The following GRID1 variants were observed in gnomAD, a reference collection of about 807,000 sequenced individuals.
GRID1 encodes glutamate ionotropic receptor delta type subunit 1.
A neutral mutation model predicts 98.0 loss-of-function variants in GRID1; 28 were observed. The observed-to-expected ratio is 0.29, with a 90% CI of 0.21 to 0.39. GRID1 has a LOEUF of 0.39. Ranked by LOEUF, GRID1 falls within the 10% of genes least tolerant of loss-of-function variation. The probability of loss-of-function intolerance (pLI) is 1.00; values close to 1 mark genes in which losing one functional copy is unlikely to be tolerated. For missense variants in GRID1, 1,111 were observed against 1,340.5 expected, an observed-to-expected ratio of 0.83 and a Z score of 2.67; for synonymous variants, 553 against 538.5, an observed-to-expected ratio of 1.03 and a Z score of -0.37.
intron 2 of GRID1, among the ~76,000 whole-genome samples, chr10:86,248,595 T>G: frequency 9.7e-6 from 1 of 102,930 alleles, no homozygotes; most frequent in South Asian, 3.1e-4. Context: ...TTTTTTTTTT[T>G]GAGACAAGGT....
At chr10:86,235,099 AGC>A (rs1459497509) in intron 2 of GRID1, among the ~76,000 whole-genome samples, 3 of 152,238 alleles carry the variant, frequency 2.0e-5, no homozygotes, top group African/African-American at 4.8e-5. Flanking sequence ...GAGCCTGGCC[AGC>A]TCTCTCCTTG....
At chr10:85,670,684 C>T (rs753399343) in intron 12 of GRID1, among the ~76,000 whole-genome samples, 1 of 152,124 alleles carries the variant, frequency 6.6e-6, no homozygotes, top group Non-Finnish European at 1.5e-5. Flanking sequence ...TCTGTTCCCA[C>T]CCTTCAGCCC....
chr10:86,355,281 T>A (rs1335804688), intron 2 of GRID1, among the ~76,000 whole-genome samples: 1 of 152,242 alleles, frequency 6.6e-6, no homozygotes, highest in Non-Finnish European at 1.5e-5. Flanking sequence ...CTTCAGCTCC[T>A]GGACACCCCA....
chr10:86,322,394 T>TTTG (rs879420646), intron 2 of GRID1, among the ~76,000 whole-genome samples: 12 of 152,052 alleles, frequency 7.9e-5, no homozygotes, highest in East Asian at 5.8e-4. Flanking sequence ...AGAATTATGT[T>TTTG]TTGTTGTTGT....
chr10:86,064,886 A>G (rs1054686812), intron 4 of GRID1, among the ~76,000 whole-genome samples: 2 of 152,246 alleles, frequency 1.3e-5, no homozygotes, highest in Non-Finnish European at 2.9e-5. Flanking sequence ...TGGCCACATG[A>G]AGCCTGCAAA....
chr10:86,270,169 C>T (rs1404948122), intron 2 of GRID1, among the ~76,000 whole-genome samples: 2 of 152,220 alleles, frequency 1.3e-5, no homozygotes, highest in African/African-American at 4.8e-5. Context: ...CAATGATAAA[C>T]TCTTTCCCTC....
chr10:85,698,056 C>A (rs1180964531), intron 12 of GRID1, among the ~76,000 whole-genome samples: 1 of 151,972 alleles, frequency 6.6e-6, no homozygotes, highest in Non-Finnish European at 1.5e-5. Context: ...ATAAAGTCAG[C>A]AGGTGACAAA....
chr10:86,095,686 C>T (rs1027657509), intron 4 of GRID1, among the ~76,000 whole-genome samples: 1 of 151,962 alleles, frequency 6.6e-6, no homozygotes, highest in African/African-American at 2.4e-5. Context: ...CAAGAATGGT[C>T]ATAATAAAAA....
At chr10:85,709,060 C>A in intron 12 of GRID1, 2 of 322,986 alleles carry the variant, frequency 6.2e-6, no homozygotes, top group South Asian at 7.2e-5. Flanking sequence ...CTATGATTCA[C>A]CAAAACAACT....
At chr10:85,852,017 C>G (rs1001969877) in intron 8 of GRID1, among the ~76,000 whole-genome samples, 1 of 152,156 alleles carries the variant, frequency 6.6e-6, no homozygotes, top group South Asian at 2.1e-4. Context: ...TGCCCTACCC[C>G]CATGATACGG....
At chr10:85,825,166 G>A (rs571475095) in intron 8 of GRID1, among the ~76,000 whole-genome samples, 15 of 152,176 alleles carry the variant, frequency 9.9e-5, no homozygotes, top group Admixed American at 5.9e-4. Flanking sequence ...CCAGCAGTGT[G>A]TGTTTCCTTT....
intron 2 of GRID1, among the ~76,000 whole-genome samples, chr10:86,249,481 G>A (rs1317090810): frequency 6.6e-6 from 1 of 152,140 alleles, no homozygotes. Flanking sequence ...CCCTAGCTTG[G>A]CCCTCAGACC....
At chr10:86,284,187 C>T (rs529309528) in intron 2 of GRID1, among the ~76,000 whole-genome samples, 158 of 152,196 alleles carry the variant, frequency 1.0e-3, no homozygotes, top group Middle Eastern at 6.8e-3. Context: ...TACACATACA[C>T]ACCTGCCCTC....
intron 2 of GRID1, among the ~76,000 whole-genome samples, chr10:86,235,014 A>G (rs1846515826): frequency 6.6e-6 from 1 of 152,352 alleles, no homozygotes; most frequent in East Asian, 1.9e-4. Context: ...ACGGACGTGC[A>G]TGCAGATAGA....
intron 3 of GRID1, among the ~76,000 whole-genome samples, chr10:86,198,516 C>T (rs936153398): frequency 3.3e-5 from 5 of 152,230 alleles, no homozygotes; most frequent in Middle Eastern, 3.4e-3. Context: ...GCAGTTACCA[C>T]GCGCCAGGTA....
intron 13 of GRID1, among the ~76,000 whole-genome samples, chr10:85,638,771 G>T (rs749630528): frequency 3.9e-5 from 6 of 152,052 alleles, no homozygotes; most frequent in Non-Finnish European, 7.4e-5. Context: ...ATTAACAAAA[G>T]ACTTAAGCAC....
At chr10:86,257,036 C>T (rs1374359183) in intron 2 of GRID1, among the ~76,000 whole-genome samples, 1 of 152,244 alleles carries the variant, frequency 6.6e-6, no homozygotes, top group Non-Finnish European at 1.5e-5. Flanking sequence ...CCTCTGAGTG[C>T]TTCCCTGTCC....
chr10:85,788,863 A>C (rs896013897), intron 8 of GRID1, among the ~76,000 whole-genome samples: 4 of 152,188 alleles, frequency 2.6e-5, no homozygotes, highest in African/African-American at 9.6e-5. Context: ...CCAAGTTAGG[A>C]CTTGGCTGAG....
intron 2 of GRID1, among the ~76,000 whole-genome samples, chr10:86,240,894 C>T (rs1846617977): frequency 6.6e-6 from 1 of 152,208 alleles, no homozygotes; most frequent in Non-Finnish European, 1.5e-5. Context: ...CACAGAGCAG[C>T]AGGAGCAGCC....
Sources: gnomAD v4.1 joint callset for allele counts (sites outside exome capture counted in the v4.1 genomes callset) on GRCh38, gnomAD v4.1.1 for gene constraint, MANE v1.5 for transcripts, NCBI Gene and HGNC (gene_info 2026-07-23, HGNC 2026-07-21) for gene names.